The following PPIL4 variants were observed in gnomAD, a reference collection of about 807,000 sequenced individuals.
PPIL4 encodes the protein peptidyl-prolyl cis-trans isomerase-like 4.
Under a neutral mutation model 69.1 loss-of-function variants are expected in PPIL4, and 50 were observed. The observed-to-expected ratio is 0.72, with a 90% CI of 0.58 to 0.92. The LOEUF is 0.92. Ranked by LOEUF, PPIL4 falls within the 40% of genes least tolerant of loss-of-function variation. The pLI, the probability that PPIL4 is intolerant of heterozygous loss-of-function variation, is 0.00. For synonymous variants in PPIL4, 193 were observed against 191.6 expected (o/e 1.01, Z -0.06); for missense variants, 480 against 587.9 (o/e 0.82, Z 1.90).
At chr6:149,515,348 C>T (rs903515960) in intron 11 of PPIL4, among the ~76,000 whole-genome samples, 3 of 151,980 alleles carry the variant, frequency 2.0e-5, no homozygotes, top group Non-Finnish European at 4.4e-5. Flanking sequence ...CTGCACCCAG[C>T]CTATTTCTTA....
At chr6:149,529,461 ATT>A (rs1777158207) in intron 7 of PPIL4, among the ~76,000 whole-genome samples, 1 of 151,024 alleles carries the variant, frequency 6.6e-6, no homozygotes, top group Admixed American at 6.6e-5. Context: ...ATAAAAAAAA[ATT>A]AAAAAAAATT....
intron 12 of PPIL4, among the ~76,000 whole-genome samples, chr6:149,509,886 T>C (rs1429054855): frequency 2.0e-5 from 3 of 152,164 alleles, no homozygotes; most frequent in African/African-American, 7.2e-5. Flanking sequence ...CCACCTTACA[T>C]TGTAAGGACC....
At chr6:149,512,746 C>A (rs976093512) in intron 11 of PPIL4, among the ~76,000 whole-genome samples, 4 of 152,040 alleles carry the variant, frequency 2.6e-5, no homozygotes, top group South Asian at 2.1e-4. Flanking sequence ...TTAAATTCTT[C>A]TTATTATTTT....
chr6:149,516,227 T>C lies in PPIL4; in HGVS notation c.1079+1127A>G, dbSNP rs535822627. ...TTCATAACTTTTATGATTTTGAGCT[T>C]TCAATCATATGCCCTTGAATGTTGA... is the stretch of plus-strand genomic sequence containing the variant. On this transcript the variant is annotated intron_variant, in intron 11 of 12. Coordinates refer to ENST00000253329, the MANE Select transcript of PPIL4 (RefSeq NM_139126.4). Among the ~76,000 whole-genome samples the C allele has an allele frequency of 7.2e-5, 11 of 152,350 alleles. No homozygotes were observed. In the East Asian group the frequency reaches 1.9e-3, roughly 27 times the overall value.
At chr6:149,510,303 G>A (rs973124233) in intron 12 of PPIL4, among the ~76,000 whole-genome samples, 2 of 152,078 alleles carry the variant, frequency 1.3e-5, no homozygotes, top group African/African-American at 4.8e-5. Context: ...TACCCACAGA[G>A]GGAAGAAGGA....
intron 10 of PPIL4, among the ~76,000 whole-genome samples, chr6:149,519,322 T>C (rs909134140): frequency 1.3e-5 from 2 of 152,192 alleles, no homozygotes; most frequent in Non-Finnish European, 2.9e-5. Flanking sequence ...ACTTCCCAAA[T>C]GATACAATTA....
At chr6:149,523,957 T>G (rs1231451483) in intron 9 of PPIL4, among the ~76,000 whole-genome samples, 1 of 152,230 alleles carries the variant, frequency 6.6e-6, no homozygotes, top group Non-Finnish European at 1.5e-5. Flanking sequence ...TATAACTTTA[T>G]GGTCTATCTT....
chr6:149,532,089 G>T (rs1296793030), intron 7 of PPIL4, among the ~76,000 whole-genome samples: 1 of 152,080 alleles, frequency 6.6e-6, no homozygotes, highest in Non-Finnish European at 1.5e-5. Flanking sequence ...CTGATTAAGA[G>T]GTAAAGGGAA....
At chr6:149,539,205 T>C (rs1462451312) in intron 4 of PPIL4, among the ~76,000 whole-genome samples, 1 of 152,174 alleles carries the variant, frequency 6.6e-6, no homozygotes, top group African/African-American at 2.4e-5. Context: ...ACTGTTGAAA[T>C]GACAACAAAA....
At chr6:149,543,703 G>T (rs1245057868) in intron 1 of PPIL4, among the ~76,000 whole-genome samples, 3 of 147,470 alleles carry the variant, frequency 2.0e-5, no homozygotes, top group African/African-American at 2.5e-5. Context: ...ATTTTTTCTT[G>T]TTTTTTTTAA....
chr6:149,521,728 T>G (rs574519230), intron 9 of PPIL4, among the ~76,000 whole-genome samples: 6 of 152,336 alleles, frequency 3.9e-5, no homozygotes, highest in Admixed American at 3.3e-4. Context: ...AATGTGTATG[T>G]GTGTATGCAT....
At chr6:149,525,636 C>T (rs1777095398) in intron 8 of PPIL4, among the ~76,000 whole-genome samples, 1 of 152,050 alleles carries the variant, frequency 6.6e-6, no homozygotes, top group Non-Finnish European at 1.5e-5. Flanking sequence ...TAAGTTCAAG[C>T]TTTGAAATTT....
At chr6:149,536,392 A>G (rs565756364) in intron 4 of PPIL4, among the ~76,000 whole-genome samples, 2 of 152,376 alleles carry the variant, frequency 1.3e-5, no homozygotes, top group African/African-American at 4.8e-5. Flanking sequence ...GCACGTTGAA[A>G]GCCAAGATAA....
chr6:149,534,686 G>C lies in PPIL4; in HGVS notation c.553C>G (p.Gln185Glu). ...PDRSPEPTRE[Q>E]LDSGRIGADE... ...AAGAGGGCTTTACTTACATCTAATT[G>C]TTCCCTTGTAGGTTCTGGTGATCGA... The change falls in exon 6 of 13, where the codon CAA becomes GAA. Residue 185 changes from glutamine to glutamate, a missense_variant. Coordinates refer to ENST00000253329, the MANE Select transcript of PPIL4 (RefSeq NM_139126.4). 6.6e-7 allele frequency: 1 copy of C among 1,525,150 alleles called. No homozygotes were observed. The highest frequency in any genetic ancestry group is 9.0e-7 in the Non-Finnish European group (1 of 1,108,726). 94.5% of individuals were successfully genotyped at this position (1,525,150 alleles called of 1,614,324 possible).
chr6:149,529,748 G>A (rs774983276), intron 7 of PPIL4, among the ~76,000 whole-genome samples: 12 of 134,888 alleles, frequency 8.9e-5, no homozygotes, highest in Non-Finnish European at 1.7e-4. Context: ...GACGACAAGA[G>A]CGAGACTCCG....
intron 4 of PPIL4, among the ~76,000 whole-genome samples, chr6:149,536,906 T>C (rs563967463): frequency 6.6e-6 from 1 of 152,180 alleles, no homozygotes; most frequent in African/African-American, 2.4e-5. Flanking sequence ...GGCAGGCAGA[T>C]CACAAGCTCA....
chr6:149,533,464 C>T lies in PPIL4; in HGVS notation c.672G>A (p.Leu224=), dbSNP rs1482728286. 4 of 1,539,942 alleles carry T rather than the reference C, an allele frequency of 2.6e-6. No individual in the cohort carries two copies. In the Admixed American group the frequency reaches 6.7e-5, roughly 26 times the overall value. Reference sequence around the variant, plus strand: ...ACAAAGATAATTATCTTACCATCTCCAAAAGTATAGCCTGAGTTTTAGCCT... The same window carrying T: ...ACAAAGATAATTATCTTACCATCTCTAAAAGTATAGCCTGAGTTTTAGCCT... ...EKEAKTQAIL[L]EMVGDLPDAD... Residue 224 remains leucine (L), a synonymous_variant, in exon 7 of 13, where the codon TTG becomes TTA. Coordinates refer to ENST00000253329, the MANE Select transcript of PPIL4 (RefSeq NM_139126.4).
intron 7 of PPIL4, among the ~76,000 whole-genome samples, chr6:149,531,020 G>A (rs1777187583): frequency 1.3e-5 from 2 of 152,124 alleles, no homozygotes; most frequent in Admixed American, 6.6e-5. Flanking sequence ...GGCTGTGGGT[G>A]CATAACCTGA....
Position 149,505,316 on chromosome 6 carries a change from G to C in PPIL4, c.*137C>G. On this transcript the variant is annotated 3_prime_UTR_variant, in exon 13 of 13. Transcript: ENST00000253329. ...TATCTTTCCGTGCTCTATATAATCA[G>C]TATTAATCTAAAGACCATAATCCTA... 1 of 738,104 alleles carries C rather than the reference G, an allele frequency of 1.4e-6. No homozygotes were observed. The highest frequency in any genetic ancestry group is 2.5e-5 in the East Asian group (1 of 40,112). The allele number at this position is 738,104 out of a possible 1,614,324, so 45.7% of individuals were successfully genotyped here.
Sources: gnomAD v4.1 joint callset for allele counts (sites outside exome capture counted in the v4.1 genomes callset) on GRCh38, gnomAD v4.1.1 for gene constraint, MANE v1.5 for transcripts, NCBI Gene and HGNC (gene_info 2026-07-23, HGNC 2026-07-21) for gene names.